Variants in SLC5A11 observed in about 807,000 individuals in gnomAD.
SLC5A11 encodes sodium/myo-inositol cotransporter 2.
Under a neutral mutation model 69.8 loss-of-function variants are expected in SLC5A11, and 48 were observed. The observed-to-expected ratio is 0.69, with a 90% confidence interval of 0.55 to 0.87. SLC5A11 has a LOEUF of 0.87. Among genes scored for constraint, SLC5A11 ranks in the 40% least tolerant of loss-of-function variants. The pLI is 0.00. For synonymous variants in SLC5A11, 319 were observed against 342.4 expected (o/e 0.93, Z 0.75); for missense variants, 784 against 866.1 (o/e 0.91, Z 1.19).
exon 16 of SLC5A11, chr16:24,911,501 T>A: frequency 6.2e-7 from 1 of 1,614,152 alleles, no homozygotes; most frequent in Non-Finnish European, 8.5e-7. Flanking sequence ...CTGCGTGAGC[T>A]GCGCCATCTT....
At chr16:24,848,242 G>A (rs2059114589) in intron 1 of SLC5A11, among the ~76,000 whole-genome samples, 1 of 152,184 alleles carries the variant, frequency 6.6e-6, no homozygotes, top group Admixed American at 6.5e-5. Flanking sequence ...GCATGGAGAT[G>A]TTTTGAGCAG....
At chr16:24,850,783 C>T (rs910894217) in intron 1 of SLC5A11, among the ~76,000 whole-genome samples, 1 of 151,766 alleles carries the variant, frequency 6.6e-6, no homozygotes, top group Admixed American at 6.6e-5. Flanking sequence ...CATATGTGGC[C>T]AAGGTTTGCC....
At chr16:24,889,794 C>T (rs12918808) in intron 8 of SLC5A11, among the ~76,000 whole-genome samples, 67,805 of 151,628 alleles carry the variant, frequency 0.45, 15,443 homozygotes, top group Non-Finnish European at 0.5. Flanking sequence ...GCGATTCGCC[C>T]ACCTCGGCCT....
At chr16:24,879,570 C>T (rs2047909244) in intron 7 of SLC5A11, among the ~76,000 whole-genome samples, 1 of 152,150 alleles carries the variant, frequency 6.6e-6, no homozygotes, top group Admixed American at 6.5e-5. Flanking sequence ...AACCCATTCT[C>T]TACTAAAAAT....
chr16:24,869,054 G>T (rs1289196438), intron 3 of SLC5A11, among the ~76,000 whole-genome samples: 4 of 152,064 alleles, frequency 2.6e-5, no homozygotes. Flanking sequence ...TTTTAGTGGA[G>T]ACGGGGTTTC....
exon 13 of SLC5A11, chr16:24,907,977 T>G: frequency 6.2e-7 from 1 of 1,614,164 alleles, no homozygotes; most frequent in Non-Finnish European, 8.5e-7. Flanking sequence ...TTTGTGCTGC[T>G]GCTGGTCCTG....
intron 1 of SLC5A11, among the ~76,000 whole-genome samples, chr16:24,856,063 A>G (rs1352261920): frequency 6.6e-6 from 1 of 152,172 alleles, no homozygotes; most frequent in Non-Finnish European, 1.5e-5. Context: ...TTTAACCCAG[A>G]GCACATGTGT....
intron 4 of SLC5A11, among the ~76,000 whole-genome samples, chr16:24,871,346 C>CT (rs1427040618): frequency 6.6e-6 from 1 of 152,172 alleles, no homozygotes; most frequent in African/African-American, 2.4e-5. Flanking sequence ...TCATGGCTCA[C>CT]TGCAACCTCC....
chr16:24,853,558 A>G (rs1002908978), intron 1 of SLC5A11, among the ~76,000 whole-genome samples: 11 of 152,170 alleles, frequency 7.2e-5, no homozygotes, highest in African/African-American at 2.7e-4. Flanking sequence ...CAGGAAAGAA[A>G]TAGAGCCAGA....
intron 9 of SLC5A11, among the ~76,000 whole-genome samples, chr16:24,896,426 T>A: frequency 6.6e-6 from 1 of 151,974 alleles, no homozygotes; most frequent in East Asian, 1.9e-4. Flanking sequence ...GCCCAGGACT[T>A]TGGGGCTACA....
At chr16:24,888,234 A>T (rs550625817) in intron 8 of SLC5A11, among the ~76,000 whole-genome samples, 72 of 152,270 alleles carry the variant, frequency 4.7e-4, no homozygotes, top group African/African-American at 1.2e-3. Flanking sequence ...GTAAATTTTT[A>T]AAAAATCTAG....
chr16:24,903,606 T>G lies in SLC5A11; in HGVS notation c.1007-3051T>G, dbSNP rs1006931542. 4.6e-5 allele frequency among the ~76,000 whole-genome samples: 7 copies of G among 152,356 alleles called. No individual in the cohort carries two copies. In the South Asian group the frequency reaches 1.5e-3, roughly 32 times the overall value. Reference sequence around the variant, plus strand: ...TATGAGTGAGAGTATGCAGTATTTATCTTTCTGTGCCTGGCTTATTTCACT... The same window carrying G: ...TATGAGTGAGAGTATGCAGTATTTAGCTTTCTGTGCCTGGCTTATTTCACT... On this transcript the variant is annotated intron_variant, in intron 10 of 15. Transcript: ENST00000347898.
intron 7 of SLC5A11, among the ~76,000 whole-genome samples, chr16:24,878,039 G>T (rs555617707): frequency 2.6e-4 from 39 of 152,164 alleles, no homozygotes; most frequent in Non-Finnish European, 5.0e-4. Flanking sequence ...TGTAATTCCA[G>T]CTACTCAGGA....
intron 8 of SLC5A11, 78 bp downstream of exon 9, chr16:24,884,209 A>G: frequency 7.2e-7 from 1 of 1,395,718 alleles, no homozygotes; most frequent in Non-Finnish European, 1.0e-6. Flanking sequence ...CACACTGTGA[A>G]CGGCAAACCT....
At chr16:24,879,102 A>T (rs561426653) in intron 7 of SLC5A11, among the ~76,000 whole-genome samples, 1 of 152,082 alleles carries the variant, frequency 6.6e-6, no homozygotes, top group South Asian at 2.1e-4. Flanking sequence ...GGAAAAATTA[A>T]TTGGGGTGAA....
At chr16:24,902,546 CTTTTT>C (rs35191056) in intron 10 of SLC5A11, among the ~76,000 whole-genome samples, 1 of 130,284 alleles carries the variant, frequency 7.7e-6, no homozygotes, top group Admixed American at 8.2e-5. Flanking sequence ...CCAATCAAGT[CTTTTT>C]TTTTTTTTTT....
intron 10 of SLC5A11, among the ~76,000 whole-genome samples, chr16:24,902,180 A>G (rs1268702174): frequency 6.6e-6 from 1 of 152,184 alleles, no homozygotes; most frequent in African/African-American, 2.4e-5. Context: ...ACAAGGAGAT[A>G]TCAAAAAGAA....
At chr16:24,849,600 A>ATATATATATATATATATG (rs2059206093) in intron 1 of SLC5A11, among the ~76,000 whole-genome samples, 1 of 115,164 alleles carries the variant, frequency 8.7e-6, no homozygotes, top group Non-Finnish European at 1.9e-5. Context: ...AAAAATATAT[A>ATATATATATATATATATG]TATATATATA....
intron 8 of SLC5A11, among the ~76,000 whole-genome samples, chr16:24,889,728 A>T (rs146986963): frequency 0.012 from 1,801 of 151,684 alleles, 33 homozygotes; most frequent in African/African-American, 0.041. Context: ...TTGTATTTTT[A>T]GTAGAGACAG....
Sources: allele counts gnomAD v4.1 joint callset (sites outside exome capture counted in the v4.1 genomes callset), GRCh38; gene constraint gnomAD v4.1.1; transcripts MANE v1.5; gene names NCBI Gene and HGNC (gene_info 2026-07-23, HGNC 2026-07-21).